The following TSPAN7 variants were observed in gnomAD, a reference collection of about 807,000 sequenced individuals.
TSPAN7 encodes the protein tetraspanin-7.
In TSPAN7, 1 loss-of-function variant was observed where a neutral mutation model predicts 17.6. That is an observed-to-expected ratio of 0.06 (90% CI 0.02 to 0.27). The LOEUF is 0.27. Among genes scored for constraint, TSPAN7 ranks in the 10% least tolerant of loss-of-function variants. The pLI is 1.00. For missense variants in TSPAN7, 112 were observed against 201.7 expected (o/e 0.56, Z 2.69); for synonymous variants, 78 against 79.0 (o/e 0.99, Z 0.07).
At chrX:38,675,658 A>G (rs1455084598) in intron 4 of TSPAN7, 47 bp from the exon 5 acceptor site, 13 of 1,203,531 alleles carry the variant, frequency 1.1e-5, no homozygotes, top group Admixed American at 2.2e-5. Flanking sequence ...TGAGGAGACC[A>G]CATTTGATCT....
chrX:38,615,184 A>C (rs2069448000), intron 1 of TSPAN7, among the ~76,000 whole-genome samples: 2 of 111,498 alleles, frequency 1.8e-5, no homozygotes, highest in South Asian at 7.5e-4. Flanking sequence ...GGGTGTTATC[A>C]TTCTTGTAAC....
At chrX:38,613,749 C>G (rs1190164492) in intron 1 of TSPAN7, among the ~76,000 whole-genome samples, 1 of 110,720 alleles carries the variant, frequency 9.0e-6, no homozygotes, top group Non-Finnish European at 1.9e-5. Context: ...GACTATGCCT[C>G]CCAGGATAGG....
At chrX:38,583,988 C>G in intron 1 of TSPAN7, among the ~76,000 whole-genome samples, 1 of 73,359 alleles carries the variant, frequency 1.4e-5, no homozygotes, top group Non-Finnish European at 2.3e-5. Context: ...GAGTCTTGCT[C>G]TGTCGCCCAG....
chrX:38,611,617 C>A (rs1171343853), intron 1 of TSPAN7, among the ~76,000 whole-genome samples: 1 of 111,268 alleles, frequency 9.0e-6, no homozygotes, highest in Non-Finnish European at 1.9e-5. Flanking sequence ...TGTCTTGGGC[C>A]ATATTAAAGG....
intron 1 of TSPAN7, among the ~76,000 whole-genome samples, chrX:38,589,716 C>T (rs1249317950): frequency 9.0e-6 from 1 of 111,626 alleles, no homozygotes; most frequent in African/African-American, 3.3e-5. Context: ...TGTTCTTTTG[C>T]TCTTTTTCTA....
chrX:38,648,489 G>A (rs377215154), intron 1 of TSPAN7, among the ~76,000 whole-genome samples: 1 of 112,055 alleles, frequency 8.9e-6, no homozygotes, highest in East Asian at 2.8e-4. Context: ...TTGCTCTGTT[G>A]CCCAGGCTGG....
intron 1 of TSPAN7, among the ~76,000 whole-genome samples, chrX:38,655,840 T>C (rs1602115513): frequency 8.9e-6 from 1 of 112,188 alleles, no homozygotes; most frequent in Admixed American, 9.5e-5. Flanking sequence ...ATTTTGAAGA[T>C]GATAATCCTA....
intron 1 of TSPAN7, among the ~76,000 whole-genome samples, chrX:38,577,377 G>T (rs758850017): frequency 9.0e-6 from 1 of 110,757 alleles, no homozygotes. Context: ...ACAGTTGATT[G>T]ACCTGGAGAG....
At chrX:38,650,046 T>C (rs1273189674) in intron 1 of TSPAN7, among the ~76,000 whole-genome samples, 2 of 112,166 alleles carry the variant, frequency 1.8e-5, no homozygotes, top group Non-Finnish European at 3.8e-5. Flanking sequence ...GGGAATGCTC[T>C]AATGGGAGGC....
At chrX:38,655,886 A>G in intron 1 of TSPAN7, 1 of 243,677 alleles carries the variant, frequency 4.1e-6, no homozygotes, top group Non-Finnish European at 7.8e-6. Context: ...TCCCTTTTGA[A>G]AATAATGGAA....
At chrX:38,642,764 C>T (rs1274700276) in intron 1 of TSPAN7, among the ~76,000 whole-genome samples, 1 of 111,820 alleles carries the variant, frequency 8.9e-6, no homozygotes, top group Non-Finnish European at 1.9e-5. Context: ...CCTGGCATTT[C>T]CTGATCATGT....
At chrX:38,663,152 T>TAC (rs56867751) in intron 1 of TSPAN7, among the ~76,000 whole-genome samples, 202 of 101,128 alleles carry the variant, frequency 2.0e-3, no homozygotes, top group Admixed American at 5.0e-3. Flanking sequence ...ATGTGGTGTA[T>TAC]ACACACACAC....
At chrX:38,655,313 G>A (rs1338204325) in intron 1 of TSPAN7, among the ~76,000 whole-genome samples, 1 of 110,232 alleles carries the variant, frequency 9.1e-6, no homozygotes, top group East Asian at 2.8e-4. Flanking sequence ...TTTTTAGGGG[G>A]GCCAAAAACA....
intron 4 of TSPAN7, among the ~76,000 whole-genome samples, 200 bp downstream of exon 4, chrX:38,674,516 C>T (rs2069840864): frequency 8.9e-6 from 1 of 111,970 alleles, no homozygotes; most frequent in African/African-American, 3.2e-5. Flanking sequence ...GGACCACTCC[C>T]TTGAGTGTGC....
At chrX:38,614,039 T>C (rs771021337) in intron 1 of TSPAN7, among the ~76,000 whole-genome samples, 2 of 108,409 alleles carry the variant, frequency 1.8e-5, no homozygotes, top group Admixed American at 2.0e-4. Context: ...CACTCATCTG[T>C]CTGCTTTGGA....
intron 1 of TSPAN7, among the ~76,000 whole-genome samples, chrX:38,615,176 G>C (rs1303658532): frequency 9.0e-6 from 1 of 111,340 alleles, no homozygotes; most frequent in Non-Finnish European, 1.9e-5. Context: ...GTGTTGAGGG[G>C]TGTTATCATT....
intron 1 of TSPAN7, among the ~76,000 whole-genome samples, chrX:38,640,721 A>G (rs921107001): frequency 7.1e-5 from 8 of 112,538 alleles, no homozygotes; most frequent in Non-Finnish European, 1.5e-4. Context: ...ACTACAGAAT[A>G]TGCATTTAAA....
intron 6 of TSPAN7, among the ~76,000 whole-genome samples, chrX:38,687,135 A>G (rs1420262035): frequency 8.9e-6 from 1 of 112,313 alleles, no homozygotes; most frequent in African/African-American, 3.2e-5. Context: ...TATGGCTGAG[A>G]CATCATAGTA....
At chrX:38,581,565 AT>A (rs1313083970) in intron 1 of TSPAN7, among the ~76,000 whole-genome samples, 1 of 111,912 alleles carries the variant, frequency 8.9e-6, no homozygotes, top group East Asian at 2.8e-4. Context: ...AGGAGCTACA[AT>A]TCAAGATTTG....
Sources: gnomAD v4.1 joint callset for allele counts (sites outside exome capture counted in the v4.1 genomes callset) on GRCh38, gnomAD v4.1.1 for gene constraint, MANE v1.5 for transcripts, NCBI Gene and HGNC (gene_info 2026-07-23, HGNC 2026-07-21) for gene names.